Variants in SNX30 observed in about 807,000 individuals in gnomAD.
SNX30 encodes the protein sorting nexin-30.
A neutral mutation model predicts 46.4 loss-of-function variants in SNX30; 24 were observed. The observed-to-expected ratio is 0.52, with a 90% CI of 0.37 to 0.73. The LOEUF (loss-of-function observed/expected upper bound fraction) is 0.73. Among genes scored for constraint, SNX30 ranks in the 30% least tolerant of loss-of-function variants. The probability of loss-of-function intolerance (pLI) is 0.00; values close to 1 mark genes in which losing one functional copy is unlikely to be tolerated. For synonymous variants in SNX30, 189 were observed against 211.5 expected, an observed-to-expected ratio of 0.89 and a Z score of 0.92; for missense variants, 533 against 555.7, an observed-to-expected ratio of 0.96 and a Z score of 0.41.
In SNX30 at chr9:112,830,728, C is replaced by T; in HGVS notation, c.463C>T (p.Leu155Phe). The change falls in exon 4 of 9, where the codon CTT (leucine) becomes TTT (phenylalanine). Residue 155 changes from leucine (L) to phenylalanine (F), a missense_variant. This residue lies in a region of SNX30 where 81 missense variants were observed against 124.4 expected (regional missense o/e 0.65). Coordinates refer to ENST00000374232, the MANE Select transcript of SNX30 (RefSeq NM_001012994.2). The part of the protein sequence containing the change: ...ESQPTHLIPP[L>F]PEKFVVKGVV... ...TTTTTTCTTCATGTCTTCATAGCCT[C>T]TTCCCGAGAAGTTTGTGGTAAAAGG... 6.2e-7 allele frequency: 1 copy of T among 1,608,894 alleles called. No homozygotes were observed. Among genetic ancestry groups the T allele is most frequent in the Non-Finnish European group, 8.5e-7 (1 of 1,178,724 alleles).
rs576568968 is a variant in SNX30, at chr9:112,841,945, C to T, written c.1014+3248C>T. On this transcript the variant is annotated intron_variant, in intron 6 of 8. Coordinates refer to ENST00000374232, the MANE Select transcript of SNX30 (RefSeq NM_001012994.2). ...GACTTGCCACAGGCCTGGCTGTGGC[C>T]TGTTCTTTATTTTTTGGAGATGGAC... is the stretch of plus-strand genomic sequence containing the variant. Among the ~76,000 whole-genome samples, 272 of 152,194 alleles carry T rather than the reference C, an allele frequency of 1.8e-3. 1 individual carries two copies. Among genetic ancestry groups the T allele is most frequent in the African/African-American group, 5.9e-3 (244 of 41,520 alleles).
chr9:112,817,886 C>T, intron 3 of SNX30, 71 bp downstream of exon 3: 1 of 967,162 alleles, frequency 1.0e-6, no homozygotes, highest in Non-Finnish European at 1.7e-6. Flanking sequence ...GTTCACTCAA[C>T]TCTCATCCCT....
intron 3 of SNX30, among the ~76,000 whole-genome samples, chr9:112,822,497 A>C (rs1840516107): frequency 6.7e-6 from 1 of 150,286 alleles, no homozygotes; most frequent in Non-Finnish European, 1.5e-5. Context: ...AAACAGATCC[A>C]TCACCTTCAC....
chr9:112,819,254 TTTTC>T (rs1279417713), intron 3 of SNX30, among the ~76,000 whole-genome samples: 2 of 126,462 alleles, frequency 1.6e-5, no homozygotes, highest in Non-Finnish European at 3.2e-5. Context: ...TCCTTTTTAT[TTTTC>T]TTTCTTTCTT....
chr9:112,864,471 A>T, intron 8 of SNX30, 72 bp downstream of exon 8: 2 of 1,576,030 alleles, frequency 1.3e-6, no homozygotes, highest in South Asian at 1.1e-5. Flanking sequence ...AGAAATCCAC[A>T]AGCTGGGAAT....
At chr9:112,859,265 T>G (rs1159706567) in intron 7 of SNX30, among the ~76,000 whole-genome samples, 1 of 152,184 alleles carries the variant, frequency 6.6e-6, no homozygotes, top group Non-Finnish European at 1.5e-5. Flanking sequence ...CCCTTCCTTT[T>G]TGAGGCTGAA....
chr9:112,761,602 A>G (rs1839437399), intron 1 of SNX30, among the ~76,000 whole-genome samples: 1 of 152,170 alleles, frequency 6.6e-6, no homozygotes, highest in Admixed American at 6.5e-5. Flanking sequence ...TAGAAAATAT[A>G]AAGATGACAG....
At position 112,865,661 on chromosome 9, in the gene SNX30, A is replaced by ATATATATATATATG; in HGVS notation, c.1254+1263_1254+1264insATATATATATATGT. ...TATATATATATATATATATATATAT[A>ATATATATATATATG]TGTATGTATGTATGCACACACACAC... On this transcript the variant is annotated intron_variant, in intron 8 of 8. Coordinates refer to ENST00000374232, the MANE Select transcript of SNX30 (RefSeq NM_001012994.2). Among the ~76,000 whole-genome samples the ATATATATATATATG allele has an allele frequency of 2.6e-4, 28 of 105,672 alleles. 1 individual carries two copies. Among genetic ancestry groups the ATATATATATATATG allele is most frequent in the Non-Finnish European group, 4.0e-4 (21 of 52,664 alleles). The allele number at this position is 105,672 out of a possible 152,430, so 69.3% of individuals were successfully genotyped here. A position where few individuals can be genotyped will look rare whatever the true frequency, so the allele number is the denominator to read the frequency against.
At chr9:112,756,321 A>G (rs891252185) in intron 1 of SNX30, among the ~76,000 whole-genome samples, 2 of 151,792 alleles carry the variant, frequency 1.3e-5, no homozygotes, top group African/African-American at 2.4e-5. Context: ...TTTAGACCCC[A>G]ACTTACTGTC....
At chr9:112,812,883 A>G (rs1840341029) in intron 2 of SNX30, among the ~76,000 whole-genome samples, 1 of 152,210 alleles carries the variant, frequency 6.6e-6, no homozygotes, top group African/African-American at 2.4e-5. Context: ...ATGGTGCCTC[A>G]TGCCTATAAT....
chr9:112,840,821 C>A (rs1208035058), intron 6 of SNX30, among the ~76,000 whole-genome samples: 1 of 149,394 alleles, frequency 6.7e-6, no homozygotes, highest in Non-Finnish European at 1.5e-5. Flanking sequence ...GCTCTGTCAC[C>A]CAGGCTGGAG....
intron 2 of SNX30, among the ~76,000 whole-genome samples, chr9:112,812,211 A>G (rs1840331426): frequency 6.6e-6 from 1 of 152,226 alleles, no homozygotes; most frequent in African/African-American, 2.4e-5. Context: ...TGGTAAAAAT[A>G]AGTAAAATAA....
At chr9:112,759,003 A>C (rs1373292413) in intron 1 of SNX30, among the ~76,000 whole-genome samples, 2 of 151,974 alleles carry the variant, frequency 1.3e-5, no homozygotes, top group African/African-American at 2.4e-5. Flanking sequence ...AAGCTCTGCT[A>C]TGATGTTCTT....
At chr9:112,826,190 A>C (rs749916503) in intron 3 of SNX30, among the ~76,000 whole-genome samples, 1 of 152,178 alleles carries the variant, frequency 6.6e-6, no homozygotes, top group Non-Finnish European at 1.5e-5. Context: ...AGAACAGGAA[A>C]ATATCCACTG....
rs560688680 is a variant in SNX30, at chr9:112,752,967, C to G, written c.156+1810C>G. On this transcript the variant is annotated intron_variant, in intron 1 of 8. Transcript: ENST00000374232. ...GTTTGATGTGGCAACTGGTTTTTCC[C>G]CCCAGAGCAAGTGATCCAAGAGAGC... Among the ~76,000 whole-genome samples, 12 of 152,258 alleles carry G rather than the reference C, an allele frequency of 7.9e-5. No homozygotes were observed. In the South Asian group the frequency reaches 1.9e-3, roughly 24 times the overall value.
At chr9:112,822,980 A>T (rs1415582550) in intron 3 of SNX30, among the ~76,000 whole-genome samples, 1 of 94,434 alleles carries the variant, frequency 1.1e-5, no homozygotes, top group Non-Finnish European at 2.2e-5. Context: ...CACTTATTAC[A>T]GAATATTGTT....
Position 112,836,426 on chromosome 9 carries a change from G to A in SNX30, c.814+17G>A, listed in dbSNP as rs1427615853. The A allele has an allele frequency of 1.9e-6, 3 of 1,581,062 alleles. No homozygotes were observed. The highest frequency in any genetic ancestry group is 2.6e-6 in the Non-Finnish European group (3 of 1,153,168). On this transcript the variant is annotated intron_variant, in intron 5 of 8. Coordinates refer to ENST00000374232, the MANE Select transcript of SNX30 (RefSeq NM_001012994.2). ...AAGAAATAGGTGAGCTGTCTGTTGA[G>A]GTCTCGATTATGCCCTGCAGCCACA...
intron 7 of SNX30, among the ~76,000 whole-genome samples, chr9:112,852,882 G>A (rs550823428): frequency 2.4e-4 from 36 of 152,232 alleles, no homozygotes; most frequent in Middle Eastern, 6.8e-3. Flanking sequence ...TGCCGCTGCC[G>A]CCATGCCAAG....
At chr9:112,762,621 G>A (rs753568131) in intron 1 of SNX30, among the ~76,000 whole-genome samples, 37 of 152,210 alleles carry the variant, frequency 2.4e-4, no homozygotes, top group Non-Finnish European at 4.9e-4. Context: ...CTGAAGCTTA[G>A]CTGGGTGTTT....
Sources: allele counts gnomAD v4.1 joint callset (sites outside exome capture counted in the v4.1 genomes callset), GRCh38; gene constraint gnomAD v4.1.1; regional missense constraint gnomAD v4.1.1; transcripts MANE v1.5; gene names NCBI Gene and HGNC (gene_info 2026-07-23, HGNC 2026-07-21).